Variants in CACNA2D3 observed in about 807,000 individuals in gnomAD.
CACNA2D3 encodes the protein calcium voltage-gated channel auxiliary subunit alpha2delta 3, also known as voltage-dependent calcium channel subunit alpha-2/delta-3.
CACNA2D3 carries 60 observed loss-of-function variants against 160.6 expected under a neutral mutation model. That is an observed-to-expected ratio of 0.37 (90% CI 0.30 to 0.46). The LOEUF (loss-of-function observed/expected upper bound fraction) is 0.46. CACNA2D3 is among the 20% of genes least tolerant of loss of function. CACNA2D3 has a pLI of 1.00. For synonymous variants in CACNA2D3, 558 were observed against 492.9 expected (o/e 1.13, Z -1.75); for missense variants, 1,205 against 1,365.0 (o/e 0.88, Z 1.85).
At chr3:54,800,700 T>C (rs1702964836) in intron 13 of CACNA2D3, among the ~76,000 whole-genome samples, 1 of 152,232 alleles carries the variant, frequency 6.6e-6, no homozygotes, top group African/African-American at 2.4e-5. Context: ...ATGAGTAATT[T>C]ATGCAGGCTT....
At chr3:54,198,564 A>C (rs1200141569) in intron 2 of CACNA2D3, among the ~76,000 whole-genome samples, 1 of 152,228 alleles carries the variant, frequency 6.6e-6, no homozygotes, top group Non-Finnish European at 1.5e-5. Flanking sequence ...AATGAAATTA[A>C]ATTGGTCAAT....
At chr3:54,919,675 G>A (rs1169905906) in intron 27 of CACNA2D3, among the ~76,000 whole-genome samples, 1 of 152,182 alleles carries the variant, frequency 6.6e-6, no homozygotes, top group Non-Finnish European at 1.5e-5. Flanking sequence ...AGTCTAGTGT[G>A]ACCACTGATT....
chr3:54,296,816 AAGG>A (rs1217510601), intron 2 of CACNA2D3, among the ~76,000 whole-genome samples: 1 of 152,182 alleles, frequency 6.6e-6, no homozygotes, highest in Non-Finnish European at 1.5e-5. Flanking sequence ...TGTGGGGAAA[AAGG>A]AGAGAAATGT....
intron 25 of CACNA2D3, among the ~76,000 whole-genome samples, chr3:54,893,201 G>A (rs570365876): frequency 2.0e-5 from 3 of 152,224 alleles, no homozygotes; most frequent in South Asian, 2.1e-4. Flanking sequence ...ACTTGAACCC[G>A]GGAGGTGAAG....
At chr3:54,693,452 A>G (rs1337947722) in intron 11 of CACNA2D3, among the ~76,000 whole-genome samples, 1 of 152,230 alleles carries the variant, frequency 6.6e-6, no homozygotes, top group Non-Finnish European at 1.5e-5. Flanking sequence ...AAAGTATAGC[A>G]CACACAATTA....
chr3:54,460,391 T>A lies in CACNA2D3; in HGVS notation c.382-43101T>A, dbSNP rs527427867. Among the ~76,000 whole-genome samples the A allele has an allele frequency of 4.6e-5, 7 of 152,332 alleles. No homozygotes were observed. The South Asian group carries it at 1.5e-3, about 32-fold the overall frequency. ...AGTATGGCCATTTTCACGATATTGA[T>A]TCTTCCTACCCATGAGCATGGAATG... On this transcript the variant is annotated intron_variant, in intron 4 of 37. Coordinates refer to ENST00000474759, the MANE Select transcript of CACNA2D3 (RefSeq NM_018398.3).
Position 54,863,194 on chromosome 3 carries a change from G to A in CACNA2D3, c.1627-8345G>A, listed in dbSNP as rs535361996. Among the ~76,000 whole-genome samples the A allele has an allele frequency of 5.9e-5, 9 of 152,246 alleles. No individual in the cohort carries two copies. The South Asian group carries it at 1.9e-3, about 32-fold the overall frequency. On this transcript the variant is annotated intron_variant, in intron 17 of 37. Coordinates refer to ENST00000474759, the MANE Select transcript of CACNA2D3 (RefSeq NM_018398.3). ...TGCAGCCCTGTCTGAAATTTATTTCGAGGCTGTCTTGCATCTAACTTTTGT... is the reference window on the plus strand; with the variant it reads ...TGCAGCCCTGTCTGAAATTTATTTCAAGGCTGTCTTGCATCTAACTTTTGT...
At position 54,198,510 on chromosome 3, in the gene CACNA2D3, A is replaced by G. The variant is rs867874474; in HGVS notation, c.204+74916A>G. ...GCTCTGTGGGGCTCTGTTCATTTGT[A>G]CCATTTGCCCACTTTTTATGCTTCA... On this transcript the variant is annotated intron_variant, in intron 2 of 37. Coordinates refer to ENST00000474759, the MANE Select transcript of CACNA2D3 (RefSeq NM_018398.3). Among the ~76,000 whole-genome samples the G allele has an allele frequency of 7.2e-5, 11 of 152,204 alleles. 1 individual carries two copies. The South Asian group carries it at 2.1e-3, about 29-fold the overall frequency.
intron 2 of CACNA2D3, among the ~76,000 whole-genome samples, chr3:54,286,746 A>T (rs1703038028): frequency 6.6e-6 from 1 of 152,240 alleles, no homozygotes; most frequent in Admixed American, 6.5e-5. Context: ...AAACTCTACA[A>T]GCCAGAAGAG....
At chr3:54,264,046 C>T (rs1319977120) in intron 2 of CACNA2D3, among the ~76,000 whole-genome samples, 1 of 152,154 alleles carries the variant, frequency 6.6e-6, no homozygotes, top group Non-Finnish European at 1.5e-5. Flanking sequence ...GGAAGAGACC[C>T]AGCAGCATGT....
intron 4 of CACNA2D3, among the ~76,000 whole-genome samples, chr3:54,420,045 C>T (rs992429680): frequency 1.3e-5 from 2 of 151,860 alleles, no homozygotes; most frequent in African/African-American, 4.8e-5. Flanking sequence ...GGATTACAGG[C>T]GTGAGCTACT....
intron 2 of CACNA2D3, among the ~76,000 whole-genome samples, chr3:54,239,156 C>A (rs978886446): frequency 3.3e-5 from 5 of 152,148 alleles, no homozygotes; most frequent in African/African-American, 1.2e-4. Context: ...TCAACTAAGT[C>A]CCAGCTCTGG....
At chr3:54,303,517 G>T (rs1355617039) in intron 2 of CACNA2D3, among the ~76,000 whole-genome samples, 6 of 152,196 alleles carry the variant, frequency 3.9e-5, no homozygotes, top group Non-Finnish European at 7.3e-5. Context: ...AGCAGAGTAT[G>T]TTTGCACATA....
intron 5 of CACNA2D3, among the ~76,000 whole-genome samples, chr3:54,558,000 T>C (rs1702265783): frequency 1.3e-5 from 2 of 152,120 alleles, no homozygotes; most frequent in Admixed American, 6.5e-5. Flanking sequence ...CTGGAGCCAT[T>C]CTGTGGACTC....
chr3:55,015,571 C>T (rs2107153628), intron 34 of CACNA2D3, among the ~76,000 whole-genome samples: 1 of 152,286 alleles, frequency 6.6e-6, no homozygotes, highest in East Asian at 1.9e-4. Flanking sequence ...ATCTTTATTT[C>T]ATGTCAAGGG....
At chr3:54,675,094 T>C (rs1229156309) in intron 11 of CACNA2D3, among the ~76,000 whole-genome samples, 1 of 152,034 alleles carries the variant, frequency 6.6e-6, no homozygotes, top group Non-Finnish European at 1.5e-5. Context: ...GATCTGGGCT[T>C]TTTCAGAGGA....
rs1302027995 is a variant in CACNA2D3 at position 54,704,641 on chromosome 3, G to T, written c.1168-47958G>T. On this transcript the variant is annotated intron_variant, in intron 11 of 37. Transcript: ENST00000474759. ...GTGATAGGAACAGCACAGCTGTACG[G>T]GGGTGGAATCCCTTTAACAAGAGGT... Among the ~76,000 whole-genome samples the T allele has an allele frequency of 2.0e-5, 3 of 152,180 alleles. No individual in the cohort carries two copies. In the East Asian group the frequency reaches 5.8e-4, roughly 29 times the overall value.
intron 2 of CACNA2D3, among the ~76,000 whole-genome samples, chr3:54,189,088 C>T (rs1484692039): frequency 6.6e-6 from 1 of 152,222 alleles, no homozygotes; most frequent in Non-Finnish European, 1.5e-5. Flanking sequence ...GTAACCCCTG[C>T]TTGAGGGAAA....
At chr3:54,414,202 C>T (rs556891111) in intron 4 of CACNA2D3, among the ~76,000 whole-genome samples, 2 of 152,084 alleles carry the variant, frequency 1.3e-5, no homozygotes, top group South Asian at 4.2e-4. Context: ...GTGAGAACAA[C>T]ATTGACTTAT....
Sources: gnomAD v4.1 joint callset for allele counts (sites outside exome capture counted in the v4.1 genomes callset) on GRCh38, gnomAD v4.1.1 for gene constraint, MANE v1.5 for transcripts, NCBI Gene and HGNC (gene_info 2026-07-23, HGNC 2026-07-21) for gene names.